POTEE: variants seen among roughly 807,000 people sequenced by gnomAD.
POTEE encodes POTE ankyrin domain family member E, also known as ANKRD26-like family C member 1A.
POTEE carries 21 observed loss-of-function variants against 74.2 expected under a neutral mutation model. That is an observed-to-expected ratio of 0.28 (90% CI 0.20 to 0.41). The LOEUF is 0.41. Among genes scored for constraint, POTEE ranks in the 10% least tolerant of loss-of-function variants. The probability of loss-of-function intolerance (pLI) is 1.00; values close to 1 mark genes in which losing one functional copy is unlikely to be tolerated. For missense variants in POTEE, 525 were observed against 1,158.6 expected, an observed-to-expected ratio of 0.45 and a Z score of 7.94; for synonymous variants, 211 against 432.8, an observed-to-expected ratio of 0.49 and a Z score of 6.36.
At position 131,209,838 on chromosome 2, in the gene POTEE, T is replaced by C. The variant is rs1308999442; in HGVS notation, c.-345+19T>C. Among the ~76,000 whole-genome samples, 3 of 151,770 alleles carry C rather than the reference T, an allele frequency of 2.0e-5. No individual in the cohort carries two copies. Among genetic ancestry groups the C allele is most frequent in the South Asian group, 2.1e-4 (1 of 4,776 alleles). On this transcript the variant is annotated intron_variant, in intron 1 of 17. Coordinates refer to ENST00000683005, the MANE Select transcript of POTEE (RefSeq NM_001083538.3). ...GGTGTAGGTGAGTTATCCGGGGATGTACTGCCCGCCTGTGGGGGCAGGGGT... is the reference window on the plus strand; with the variant it reads ...GGTGTAGGTGAGTTATCCGGGGATGCACTGCCCGCCTGTGGGGGCAGGGGT...
chr2:131,217,994 T>G (rs1022998561), intron 3 of POTEE: 4 of 280,984 alleles, frequency 1.4e-5, no homozygotes, highest in African/African-American at 9.1e-5. Context: ...TTTGCGTTCT[T>G]GGCTTGGCTT....
At chr2:131,233,113 A>G (rs951674439) in intron 9 of POTEE, among the ~76,000 whole-genome samples, 5 of 152,118 alleles carry the variant, frequency 3.3e-5, no homozygotes, top group African/African-American at 1.2e-4. Flanking sequence ...GGAGCCAACA[A>G]TGTGTGCTGC....
chr2:131,210,108 G>T (rs1275324962), intron 1 of POTEE, among the ~76,000 whole-genome samples: 2 of 148,268 alleles, frequency 1.3e-5, no homozygotes, highest in Non-Finnish European at 3.0e-5. Flanking sequence ...CCGGGGCAGG[G>T]AGTGGTTTGG....
intron 9 of POTEE, among the ~76,000 whole-genome samples, chr2:131,234,219 C>G (rs1408871514): frequency 2.0e-5 from 3 of 151,832 alleles, no homozygotes; most frequent in Admixed American, 1.3e-4. Flanking sequence ...CTCTCCATGA[C>G]CTGTGTGAGT....
At chr2:131,222,160 AAG>A (rs1700637590) in intron 4 of POTEE, among the ~76,000 whole-genome samples, 1 of 152,168 alleles carries the variant, frequency 6.6e-6, no homozygotes, top group South Asian at 2.1e-4. Context: ...GTCTTGGAGA[AAG>A]ACTGTTTTAG....
Position 131,218,359 on chromosome 2 carries a change from C to T in POTEE, c.-44C>T, listed in dbSNP as rs753990328. 9.3e-6 allele frequency: 15 copies of T among 1,609,006 alleles called. No homozygotes were observed. Among genetic ancestry groups the T allele is most frequent in the South Asian group, 7.7e-5 (7 of 90,748 alleles). ...AGTTGGTGAAACTGGTTGGTAGACG[C>T]GATCTGTTGGCTACTACTGGCTTCT... is the stretch of plus-strand genomic sequence containing the variant. On this transcript the variant is annotated 5_prime_UTR_variant, in exon 4 of 18. Transcript: ENST00000683005.
At chr2:131,235,479 C>T (rs560073147) in intron 9 of POTEE, among the ~76,000 whole-genome samples, 13 of 151,966 alleles carry the variant, frequency 8.6e-5, no homozygotes, top group East Asian at 1.9e-4. Context: ...TCAAGGAAGA[C>T]GTTCTCATAG....
chr2:131,225,255 T>A (rs1393656262), intron 6 of POTEE, among the ~76,000 whole-genome samples: 2 of 152,106 alleles, frequency 1.3e-5, no homozygotes, highest in Non-Finnish European at 2.9e-5. Flanking sequence ...TGAAAATGTT[T>A]CCTTGAAGCC....
Position 131,264,952 on chromosome 2 carries a change from A to C in POTEE, c.*269A>C, listed in dbSNP as rs1434232920. On this transcript the variant is annotated 3_prime_UTR_variant, in exon 18 of 18. Transcript: ENST00000683005. The stretch of plus-strand genomic sequence containing the variant: ...AGTCATTCCAAATATTGTGAGACGC[A>C]TTGTTTCAGGAAGCCCCTTGCCCTG... 1.2e-5 allele frequency: 7 copies of C among 588,754 alleles called. No individual in the cohort carries two copies. The highest frequency in any genetic ancestry group is 1.8e-5 in the Non-Finnish European group (6 of 334,318). The allele number at this position is 588,754 out of a possible 1,614,324, so 36.5% of individuals were successfully genotyped here.
At chr2:131,210,782 A>C in intron 1 of POTEE, among the ~76,000 whole-genome samples, 3 of 144,148 alleles carry the variant, frequency 2.1e-5, no homozygotes, top group Admixed American at 6.9e-5. Flanking sequence ...AGTTTCTCCT[A>C]CTCCTGCTCC....
rs1320272417 is a variant in POTEE at position 131,264,905 on chromosome 2, G to C, written c.*222G>C. 9.6e-6 allele frequency: 8 copies of C among 834,526 alleles called. No homozygotes were observed. Among genetic ancestry groups the C allele is most frequent in the East Asian group, 5.3e-5 (2 of 37,666 alleles). The allele number at this position is 834,526 out of a possible 1,614,324, so 51.7% of individuals were successfully genotyped here. On this transcript the variant is annotated 3_prime_UTR_variant, in exon 18 of 18. Transcript: ENST00000683005. ...TACAATGTTGCCAAGGACTTTGATTGTACATTGTTCTTCTTTTCAATAGTC... is the reference window on the plus strand; with the variant it reads ...TACAATGTTGCCAAGGACTTTGATTCTACATTGTTCTTCTTTTCAATAGTC...
chr2:131,260,574 C>G (rs1701678121), intron 16 of POTEE, among the ~76,000 whole-genome samples: 1 of 149,264 alleles, frequency 6.7e-6, no homozygotes, highest in Non-Finnish European at 1.5e-5. Context: ...CCTTTTTGAG[C>G]CACTGTAAAA....
At chr2:131,217,945 C>G (rs1327076842) in intron 3 of POTEE, 8 of 258,258 alleles carry the variant, frequency 3.1e-5, no homozygotes, top group Non-Finnish European at 6.0e-5. Context: ...GCTGCACGCG[C>G]TTTAACGGCT....
chr2:131,210,007 G>A (rs1394715546), intron 1 of POTEE, among the ~76,000 whole-genome samples, 188 bp downstream of exon 1: 5 of 120,040 alleles, frequency 4.2e-5, no homozygotes, highest in South Asian at 3.2e-4. Context: ...CCGTGGTGGC[G>A]GGGGTGGTGG....
chr2:131,263,007 A>G (rs1296222888), intron 17 of POTEE, among the ~76,000 whole-genome samples: 2 of 151,920 alleles, frequency 1.3e-5, no homozygotes, highest in African/African-American at 4.8e-5. Context: ...CTTATATTTT[A>G]TGCCTCTGGG....
rs553774667 is a variant in POTEE, at chr2:131,221,488, A to G, written c.522-2108A>G. ...CTTTCTCTTATCTGTGATTTCTGCA[A>G]TGAACATCTGAAGTTTTAGTTAAAG... On this transcript the variant is annotated intron_variant, in intron 4 of 17. Transcript: ENST00000683005. Among the ~76,000 whole-genome samples, 32 of 152,234 alleles carry G rather than the reference A, an allele frequency of 2.1e-4. No individual in the cohort carries two copies. The South Asian group carries it at 4.4e-3, about 21-fold the overall frequency.
chr2:131,230,796 A>G (rs1318443899), intron 8 of POTEE, 40 bp from the exon 9 acceptor site: 1 of 1,565,240 alleles, frequency 6.4e-7, no homozygotes. Context: ...TTATATCAGT[A>G]TTAAAATAGT....
intron 9 of POTEE, among the ~76,000 whole-genome samples, chr2:131,231,834 C>A (rs1319787166): frequency 6.6e-6 from 1 of 152,114 alleles, no homozygotes; most frequent in Non-Finnish European, 1.5e-5. Context: ...GTTGTGGACA[C>A]CTAATACATT....
Position 131,228,499 on chromosome 2 carries a change from G to T in POTEE, c.1055+118G>T, listed in dbSNP as rs6705915. 1,033 of 1,547,858 alleles carry T rather than the reference G, an allele frequency of 6.7e-4. 15 individuals carry two copies. In the South Asian group the frequency reaches 9.1e-3, roughly 14 times the overall value. ...GTTTGGTTCAGGTAGTTTTCGCGTG[G>T]CAGTGAGTTAGTCCCCTGCATCAGC... On this transcript the variant is annotated intron_variant, in intron 8 of 17. Coordinates refer to ENST00000683005, the MANE Select transcript of POTEE (RefSeq NM_001083538.3).
Sources: allele counts gnomAD v4.1 joint callset (sites outside exome capture counted in the v4.1 genomes callset), GRCh38; gene constraint gnomAD v4.1.1; transcripts MANE v1.5; gene names NCBI Gene and HGNC (gene_info 2026-07-23, HGNC 2026-07-21).